The following AMD1 variants were observed in gnomAD, a reference collection of about 807,000 sequenced individuals.
The protein encoded by AMD1 is S-adenosylmethionine decarboxylase proenzyme.
Under a neutral mutation model 40.2 loss-of-function variants are expected in AMD1, and 11 were observed. That is an observed-to-expected ratio of 0.27 (90% CI 0.17 to 0.45). The LOEUF is 0.45. Ranked by LOEUF, AMD1 falls within the 20% of genes least tolerant of loss-of-function variation. The probability of loss-of-function intolerance (pLI) is 1.00; values close to 1 mark genes in which losing one functional copy is unlikely to be tolerated. For missense variants in AMD1, 257 were observed against 410.2 expected, an observed-to-expected ratio of 0.63 and a Z score of 3.23; for synonymous variants, 121 against 130.8, an observed-to-expected ratio of 0.93 and a Z score of 0.51.
At chr6:110,845,001 G>A in the AMD1 span, among the ~76,000 whole-genome samples, 6 of 150,142 alleles carry the variant, frequency 4.0e-5, no homozygotes, top group East Asian at 2.0e-4. Context: ...GAAAGCAAGC[G>A]CAAGCACGAG....
chr6:110,858,899 A>G, the AMD1 span: 1 of 850,258 alleles, frequency 1.2e-6, no homozygotes, highest in Non-Finnish European at 2.1e-6. Context: ...CCAGGTGGGC[A>G]TGACGGCTCC....
the AMD1 span, among the ~76,000 whole-genome samples, chr6:110,854,194 A>G: frequency 6.6e-6 from 1 of 152,230 alleles, no homozygotes; most frequent in East Asian, 1.9e-4. Context: ...GCAGAACACA[A>G]ACACGTTTAA....
chr6:110,835,785 A>T, the AMD1 span, among the ~76,000 whole-genome samples: 1 of 151,974 alleles, frequency 6.6e-6, no homozygotes, highest in Non-Finnish European at 1.5e-5. Context: ...GAATCGCTTG[A>T]ACCCAGGAGG....
chr6:110,822,850 C>T, the AMD1 span, among the ~76,000 whole-genome samples: 5 of 152,318 alleles, frequency 3.3e-5, no homozygotes, highest in African/African-American at 1.2e-4. Context: ...CACAGTGGCT[C>T]ATGCCTGTAA....
At chr6:110,871,018 G>A (rs1784910400), upstream of AMD1, among the ~76,000 whole-genome samples, 1 of 152,210 alleles carries the variant, frequency 6.6e-6, no homozygotes. Context: ...GCCATACCAA[G>A]AGGGAGAGAA....
At chr6:110,846,487 T>C in the AMD1 span, among the ~76,000 whole-genome samples, 2 of 152,228 alleles carry the variant, frequency 1.3e-5, no homozygotes, top group African/African-American at 4.8e-5. Context: ...AAACATTAAA[T>C]GCCATTGTAT....
chr6:110,857,573 TATGGTATATATATATAG>T, the AMD1 span, among the ~76,000 whole-genome samples: 2 of 144,964 alleles, frequency 1.4e-5, no homozygotes, highest in East Asian at 3.9e-4. Flanking sequence ...ATATATATAA[TATGGTATATATATATAG>T]ATGGTATATA....
At chr6:110,886,370 C>T (rs963957519) in intron 1 of AMD1, among the ~76,000 whole-genome samples, 1 of 152,110 alleles carries the variant, frequency 6.6e-6, no homozygotes, top group African/African-American at 2.4e-5. Flanking sequence ...TGAGCTTAAG[C>T]CATCCCAATC....
At chr6:110,862,086 C>T in the AMD1 span, among the ~76,000 whole-genome samples, 2 of 139,070 alleles carry the variant, frequency 1.4e-5, no homozygotes, top group African/African-American at 2.7e-5. Flanking sequence ...GTAGCGTGAT[C>T]TTGGCTCACT....
the AMD1 span, among the ~76,000 whole-genome samples, chr6:110,829,787 G>A: frequency 6.6e-6 from 1 of 151,878 alleles, no homozygotes; most frequent in Non-Finnish European, 1.5e-5. Context: ...TTGAGGCTAC[G>A]GTGAGTCATG....
the AMD1 span, among the ~76,000 whole-genome samples, chr6:110,826,096 G>A: frequency 0.047 from 7,117 of 150,548 alleles, 182 homozygotes; most frequent in Middle Eastern, 0.078. Context: ...TAGCCTAGGA[G>A]TTCGAGGCTG....
At chr6:110,854,425 A>G in the AMD1 span, among the ~76,000 whole-genome samples, 1 of 152,074 alleles carries the variant, frequency 6.6e-6, no homozygotes, top group Non-Finnish European at 1.5e-5. Context: ...TACAAAGGAT[A>G]AAAGAATCAC....
At chr6:110,871,847 T>G (rs1309696573), upstream of AMD1, among the ~76,000 whole-genome samples, 1 of 152,170 alleles carries the variant, frequency 6.6e-6, no homozygotes, top group African/African-American at 2.4e-5. Flanking sequence ...ATTAATACTA[T>G]GGGCAGGTCA....
chr6:110,844,103 A>G, the AMD1 span, among the ~76,000 whole-genome samples: 1 of 151,904 alleles, frequency 6.6e-6, no homozygotes, highest in Admixed American at 6.6e-5. Context: ...ATCCACCTAT[A>G]CAAGAATCCC....
At chr6:110,861,276 T>G in the AMD1 span, among the ~76,000 whole-genome samples, 3 of 150,634 alleles carry the variant, frequency 2.0e-5, no homozygotes, top group East Asian at 5.9e-4. Flanking sequence ...GAGAATGGCA[T>G]GAACCCGGGA....
chr6:110,852,382 C>T, the AMD1 span, among the ~76,000 whole-genome samples: 17 of 151,816 alleles, frequency 1.1e-4, no homozygotes, highest in South Asian at 4.2e-4. Flanking sequence ...CCACCAAGTC[C>T]GGCTAATTTT....
the AMD1 span, among the ~76,000 whole-genome samples, chr6:110,831,445 A>G: frequency 2.6e-5 from 4 of 152,036 alleles, no homozygotes; most frequent in African/African-American, 4.8e-5. Flanking sequence ...TCTCAAAAAA[A>G]AAAAAAAAGT....
At chr6:110,874,444 G>A (rs1457342531), upstream of AMD1, among the ~76,000 whole-genome samples, 1 of 151,508 alleles carries the variant, frequency 6.6e-6, no homozygotes, top group African/African-American at 2.4e-5. Flanking sequence ...ACCCACCCAT[G>A]TTTTCTGCTA....
In AMD1 at chr6:110,875,234, C is replaced by T; in HGVS notation, c.110+19C>T. The T allele has an allele frequency of 6.4e-7, 1 of 1,572,088 alleles. No individual in the cohort carries two copies. Among genetic ancestry groups the T allele is most frequent in the Non-Finnish European group, 8.7e-7 (1 of 1,155,828 alleles). ...TCCCAAGGTGGGTCCCCGGGGCGCT[C>T]GCTGACATCCGGGCCTGGGGGCTGT... On this transcript the variant is annotated intron_variant, in intron 1 of 8. Transcript: ENST00000368885.
Sources: gnomAD v4.1 joint callset for allele counts (sites outside exome capture counted in the v4.1 genomes callset) on GRCh38, gnomAD v4.1.1 for gene constraint, MANE v1.5 for transcripts, NCBI Gene and HGNC (gene_info 2026-07-23, HGNC 2026-07-21) for gene names.